The following WDR64 variants were observed in gnomAD, a reference collection of about 807,000 sequenced individuals.
WDR64 encodes WD repeat domain 64.
In WDR64, 112 loss-of-function variants were observed where a neutral mutation model predicts 139.3. The ratio of observed to expected loss-of-function variants is 0.80; its 90% CI spans 0.69 to 0.94. WDR64 has a LOEUF of 0.94. WDR64 is among the 40% of genes least tolerant of loss of function. The pLI, the probability that WDR64 is intolerant of heterozygous loss-of-function variation, is 0.00. For synonymous variants in WDR64, 444 were observed against 437.7 expected, an observed-to-expected ratio of 1.01 and a Z score of -0.18; for missense variants, 1,206 against 1,293.1, an observed-to-expected ratio of 0.93 and a Z score of 1.03.
chr1:241,655,491 G>A (rs1665552609), intron 1 of WDR64, among the ~76,000 whole-genome samples: 1 of 152,016 alleles, frequency 6.6e-6, no homozygotes, highest in Non-Finnish European at 1.5e-5. Flanking sequence ...CATATTCCTG[G>A]TTTATTAGCT....
intron 13 of WDR64, among the ~76,000 whole-genome samples, chr1:241,747,824 A>G (rs1049389836): frequency 1.3e-5 from 2 of 152,214 alleles, no homozygotes; most frequent in Non-Finnish European, 2.9e-5. Context: ...GGAAGGCAGG[A>G]CACAATTACT....
chr1:241,678,567 ATAGT>A (rs1203733390), intron 5 of WDR64, among the ~76,000 whole-genome samples: 1 of 152,216 alleles, frequency 6.6e-6, no homozygotes, highest in Non-Finnish European at 1.5e-5. Flanking sequence ...GCCCATGGAA[ATAGT>A]TAGAAAATAT....
intron 2 of WDR64, among the ~76,000 whole-genome samples, chr1:241,668,897 CAA>C (rs71570905): frequency 2.5e-3 from 340 of 135,338 alleles, no homozygotes; most frequent in African/African-American, 8.2e-3. Context: ...AAGACTCCGT[CAA>C]AAAAAAAAAA....
chr1:241,726,390 T>C (rs1373079179), intron 10 of WDR64, among the ~76,000 whole-genome samples: 1 of 149,582 alleles, frequency 6.7e-6, no homozygotes, highest in Non-Finnish European at 1.5e-5. Context: ...GGCAACATAG[T>C]GAGACACCAT....
intron 13 of WDR64, among the ~76,000 whole-genome samples, chr1:241,747,785 G>T (rs1320952515): frequency 6.6e-6 from 1 of 152,206 alleles, no homozygotes; most frequent in Non-Finnish European, 1.5e-5. Context: ...AGGAAGGAAA[G>T]ACTTCCTGGG....
At chr1:241,672,129 G>T (rs934374851) in intron 3 of WDR64, among the ~76,000 whole-genome samples, 1 of 151,974 alleles carries the variant, frequency 6.6e-6, no homozygotes, top group Non-Finnish European at 1.5e-5. Flanking sequence ...GAGCTTAGAT[G>T]CCACCACTGC....
Position 241,683,581 on chromosome 1 carries a change from TG to T in WDR64, c.724del (p.Asp242MetfsTer6), listed in dbSNP as rs1253415829. 1 of 1,551,644 alleles carries T rather than the reference TG, an allele frequency of 6.4e-7. No homozygotes were observed. Among genetic ancestry groups the T allele is most frequent in the Middle Eastern group, 1.7e-4 (1 of 5,992 alleles). On this transcript the variant is annotated frameshift_variant, in exon 7 of 28. Transcript: ENST00000437684. LOFTEE classifies it high-confidence loss of function. Reference protein sequence around the residue: ...PDHLCRDDILLGDDGGFVNRF... With the variant: ...PDHLCRDDILXGDDGGFVNRF... ...CATCTCTGCCGAGATGACATCCTCT[TG>T]GGGGATGATGGGGGTTTTGTGAACA...
At chr1:241,677,948 A>G (rs940387738) in intron 4 of WDR64, among the ~76,000 whole-genome samples, 13 of 152,230 alleles carry the variant, frequency 8.5e-5, no homozygotes, top group African/African-American at 3.1e-4. Flanking sequence ...TGAAGTGTTA[A>G]CAGCACAGTC....
At chr1:241,709,937 T>G (rs1668095965) in intron 8 of WDR64, among the ~76,000 whole-genome samples, 1 of 151,978 alleles carries the variant, frequency 6.6e-6, no homozygotes, top group Non-Finnish European at 1.5e-5. Flanking sequence ...CAAAGGAGTA[T>G]TTGGTGGCAA....
At position 241,679,546 on chromosome 1, in the gene WDR64, C is replaced by T; in HGVS notation, c.575C>T (p.Thr192Ile). The stretch of plus-strand genomic sequence containing the variant: ...CAGCTGAAACGAATCGTAGCCACAA[C>T]CGAAAGGACCATTATTGTCTGGGAT... ...LLQLKRIVAT[T>I]ERTIIVWDYK... The change falls in exon 6 of 28, where the codon ACC becomes ATC. Residue 192 changes from threonine to isoleucine, a missense_variant. Transcript: ENST00000437684. The T allele has an allele frequency of 5.2e-6, 8 of 1,551,866 alleles. No individual in the cohort carries two copies. The highest frequency in any genetic ancestry group is 7.0e-6 in the Non-Finnish European group (8 of 1,146,946).
chr1:241,672,321 A>G (rs1275906357), intron 3 of WDR64, among the ~76,000 whole-genome samples: 1 of 152,168 alleles, frequency 6.6e-6, no homozygotes, highest in East Asian at 1.9e-4. Flanking sequence ...AAGAAAACAC[A>G]CACACACACA....
At chr1:241,763,578 G>A (rs561769223) in intron 15 of WDR64, among the ~76,000 whole-genome samples, 7 of 152,206 alleles carry the variant, frequency 4.6e-5, no homozygotes, top group Admixed American at 1.3e-4. Context: ...GGTGGCGTAC[G>A]CCTGTAATCC....
In WDR64 at chr1:241,723,688, C is replaced by T. The variant is rs527573226; in HGVS notation, c.1194+252C>T. On this transcript the variant is annotated intron_variant, in intron 10 of 27. Coordinates refer to ENST00000437684, the MANE Select transcript of WDR64 (RefSeq NM_001367482.1). ...TTGAAAAGATGGCAAATTTTACCCT[C>T]AAAAGTAAAACATAAGGGGCCTTTC... is the stretch of plus-strand genomic sequence containing the variant. Among the ~76,000 whole-genome samples, 7 of 151,720 alleles carry T rather than the reference C, an allele frequency of 4.6e-5. No homozygotes were observed. In the South Asian group the frequency reaches 1.5e-3, roughly 32 times the overall value.
At chr1:241,783,789 T>C (rs758530433) in intron 23 of WDR64, among the ~76,000 whole-genome samples, 4 of 152,204 alleles carry the variant, frequency 2.6e-5, no homozygotes, top group African/African-American at 7.2e-5. Flanking sequence ...AATTATGTCA[T>C]TGACTCTGTG....
intron 19 of WDR64, among the ~76,000 whole-genome samples, chr1:241,771,933 CATACATACATACATATATATATAT>C (rs1483093015): frequency 2.7e-5 from 2 of 73,490 alleles, no homozygotes; most frequent in African/African-American, 8.6e-5. Context: ...CATACATATA[CATACATACATACATATATATATAT>C]ATATATATAT....
At chr1:241,744,866 T>C (rs1205852314) in intron 13 of WDR64, among the ~76,000 whole-genome samples, 1 of 152,250 alleles carries the variant, frequency 6.6e-6, no homozygotes, top group Non-Finnish European at 1.5e-5. Flanking sequence ...TCAGATTCAG[T>C]GCTTGCTAAC....
intron 2 of WDR64, among the ~76,000 whole-genome samples, chr1:241,661,223 C>T (rs1665820728): frequency 6.6e-6 from 1 of 151,264 alleles, no homozygotes; most frequent in South Asian, 2.1e-4. Flanking sequence ...ATTTGAATAC[C>T]ACATTTTATA....
chr1:241,756,237 T>G (rs1489063721), intron 14 of WDR64, among the ~76,000 whole-genome samples: 1 of 152,210 alleles, frequency 6.6e-6, no homozygotes, highest in African/African-American at 2.4e-5. Flanking sequence ...CTTATTTCCT[T>G]GAGCAGTGGT....
chr1:241,801,947 T>C lies in WDR64; in HGVS notation c.*732T>C. 1 of 397,824 alleles carries C rather than the reference T, an allele frequency of 2.5e-6. No homozygotes were observed. The highest frequency in any genetic ancestry group is 4.4e-6 in the Non-Finnish European group (1 of 225,754). The allele number at this position is 397,824 out of a possible 1,614,324, so 24.6% of individuals were successfully genotyped here. On this transcript the variant is annotated 3_prime_UTR_variant, in exon 28 of 28. Transcript: ENST00000437684. Reference sequence around the variant, plus strand: ...AAAAACAAAATCCAACTATATGTTGTTTACAAGAAACACATCTAACATACA... The same window carrying C: ...AAAAACAAAATCCAACTATATGTTGCTTACAAGAAACACATCTAACATACA...
Sources: gnomAD v4.1 joint callset for allele counts (sites outside exome capture counted in the v4.1 genomes callset) on GRCh38, gnomAD v4.1.1 for gene constraint, MANE v1.5 for transcripts, NCBI Gene and HGNC (gene_info 2026-07-23, HGNC 2026-07-21) for gene names.